The following RGS18 variants were observed in gnomAD, a reference collection of about 807,000 sequenced individuals.
The protein encoded by RGS18 is regulator of G protein signaling 18.
A neutral mutation model predicts 27.6 loss-of-function variants in RGS18; 22 were observed. The ratio of observed to expected loss-of-function variants is 0.80; its 90% CI spans 0.57 to 1.14. The LOEUF (loss-of-function observed/expected upper bound fraction) is 1.14, where lower values mean the gene tolerates loss of function less well. RGS18 is among the 50% of genes most tolerant of loss of function. The pLI, the probability that RGS18 is intolerant of heterozygous loss-of-function variation, is 0.00. For synonymous variants in RGS18, 89 were observed against 84.6 expected (o/e 1.05, Z -0.29); for missense variants, 299 against 269.6 (o/e 1.11, Z -0.76).
chr1:192,179,152 A>G (rs1057134564), intron 3 of RGS18, among the ~76,000 whole-genome samples: 1 of 151,552 alleles, frequency 6.6e-6, no homozygotes, highest in African/African-American at 2.4e-5. Context: ...CCTATGTGGA[A>G]GAGTATTTGA....
intron 4 of RGS18, among the ~76,000 whole-genome samples, chr1:192,183,245 A>T (rs1331296705): frequency 6.6e-6 from 1 of 151,620 alleles, no homozygotes; most frequent in Non-Finnish European, 1.5e-5. Context: ...CATCAGAACC[A>T]GATATATATG....
chr1:192,169,866 T>C (rs148483489), intron 3 of RGS18: 64 of 152,288 alleles, frequency 4.2e-4, no homozygotes, highest in African/African-American at 1.5e-3. Flanking sequence ...AAGATAGTTA[T>C]CAGAGATAAA....
chr1:192,175,876 A>T (rs1656349897), intron 3 of RGS18, among the ~76,000 whole-genome samples: 1 of 151,936 alleles, frequency 6.6e-6, no homozygotes, highest in Non-Finnish European at 1.5e-5. Flanking sequence ...CTAGTTAAGC[A>T]AAGCAACTTT....
At chr1:192,171,235 T>C (rs1050200172) in intron 3 of RGS18, among the ~76,000 whole-genome samples, 4 of 152,052 alleles carry the variant, frequency 2.6e-5, no homozygotes, top group African/African-American at 7.2e-5. Flanking sequence ...GAAATCAATC[T>C]TGAAAAGAAT....
At chr1:192,164,351 A>T (rs1656125650) in intron 3 of RGS18, among the ~76,000 whole-genome samples, 1 of 152,164 alleles carries the variant, frequency 6.6e-6, no homozygotes, top group South Asian at 2.1e-4. Flanking sequence ...TTGAAAAGGG[A>T]TGGTGGCTTA....
intron 3 of RGS18, among the ~76,000 whole-genome samples, chr1:192,161,899 A>C (rs1024922040): frequency 6.6e-6 from 1 of 152,164 alleles, no homozygotes; most frequent in Non-Finnish European, 1.5e-5. Context: ...CCAACTCTTT[A>C]TAAGGTCTTG....
chr1:192,177,554 C>T (rs1341386227), intron 3 of RGS18, among the ~76,000 whole-genome samples: 1 of 151,660 alleles, frequency 6.6e-6, no homozygotes, highest in East Asian at 1.9e-4. Flanking sequence ...CAAAAGTTAG[C>T]AGGCAACTGC....
At chr1:192,174,807 C>G (rs573933083) in intron 3 of RGS18, among the ~76,000 whole-genome samples, 16 of 151,850 alleles carry the variant, frequency 1.1e-4, no homozygotes, top group African/African-American at 3.9e-4. Context: ...TCTCTTGTTG[C>G]CAATATGTAG....
At chr1:192,180,680 C>A (rs183253994) in intron 3 of RGS18, among the ~76,000 whole-genome samples, 44 of 151,792 alleles carry the variant, frequency 2.9e-4, no homozygotes, top group African/African-American at 9.9e-4. Flanking sequence ...TGACCTACCA[C>A]CTTTTTCTCT....
chr1:192,164,240 GAGAC>G (rs1238922409), intron 3 of RGS18, among the ~76,000 whole-genome samples: 1 of 152,098 alleles, frequency 6.6e-6, no homozygotes, highest in Non-Finnish European at 1.5e-5. Flanking sequence ...AGGACAGAAG[GAGAC>G]CATCCAAGCA....
chr1:192,174,907 T>C (rs1275331593), intron 3 of RGS18, among the ~76,000 whole-genome samples: 1 of 151,822 alleles, frequency 6.6e-6, no homozygotes, highest in Non-Finnish European at 1.5e-5. Flanking sequence ...CATTGATATA[T>C]ATGGGATTGG....
At chr1:192,177,648 C>A (rs1477312821) in intron 3 of RGS18, among the ~76,000 whole-genome samples, 3 of 151,650 alleles carry the variant, frequency 2.0e-5, no homozygotes, top group Non-Finnish European at 4.4e-5. Flanking sequence ...TTGGTGAAGT[C>A]TTTCCGGACA....
At chr1:192,158,820 A>G in intron 1 of RGS18, 64 bp downstream of exon 1, 1 of 1,117,418 alleles carries the variant, frequency 8.9e-7, no homozygotes, top group Non-Finnish European at 1.3e-6. Flanking sequence ...TTGAAGATTC[A>G]TTACCTCTTG....
intron 3 of RGS18, chr1:192,160,752 C>T (rs2102149684): frequency 3.4e-6 from 1 of 296,180 alleles, no homozygotes; most frequent in Non-Finnish European, 6.3e-6. Flanking sequence ...GATTAACGAA[C>T]TATTCATGTT....
At chr1:192,181,608 A>C (rs1354650853) in intron 4 of RGS18, 150 bp downstream of exon 4, 6 of 528,104 alleles carry the variant, frequency 1.1e-5, no homozygotes, top group Non-Finnish European at 1.9e-5. Context: ...AATGACATAC[A>C]GTGTGATGTT....
chr1:192,174,076 C>T (rs370520682), intron 3 of RGS18, among the ~76,000 whole-genome samples: 29 of 151,726 alleles, frequency 1.9e-4, no homozygotes, highest in Non-Finnish European at 3.2e-4. Flanking sequence ...ACTGTTTAAG[C>T]TGCATCTCAC....
chr1:192,173,853 AC>A (rs1656312008), intron 3 of RGS18, among the ~76,000 whole-genome samples: 1 of 151,700 alleles, frequency 6.6e-6, no homozygotes, highest in Admixed American at 6.6e-5. Context: ...AACAGAACCA[AC>A]TTTGGCTTTG....
intron 4 of RGS18, 43 bp downstream of exon 4, chr1:192,181,501 A>G (rs746927674): frequency 7.7e-7 from 1 of 1,302,292 alleles, no homozygotes; most frequent in Non-Finnish European, 1.0e-6. Flanking sequence ...TGCTTTCAAA[A>G]TTTTTTAATA....
At chr1:192,175,513 A>G (rs531385496) in intron 3 of RGS18, among the ~76,000 whole-genome samples, 2 of 151,968 alleles carry the variant, frequency 1.3e-5, no homozygotes, top group African/African-American at 4.8e-5. Flanking sequence ...TGAGGACAAG[A>G]CCTTTCTTAG....
Sources: gnomAD v4.1 joint callset for allele counts (sites outside exome capture counted in the v4.1 genomes callset) on GRCh38, gnomAD v4.1.1 for gene constraint, MANE v1.5 for transcripts, NCBI Gene and HGNC (gene_info 2026-07-23, HGNC 2026-07-21) for gene names.